MICAL3: variants seen among roughly 807,000 people sequenced by gnomAD.
MICAL3 encodes microtubule associated monooxygenase, calponin and LIM domain containing 3.
In MICAL3, 62 loss-of-function variants were observed where a neutral mutation model predicts 207.4. That is an observed-to-expected ratio of 0.30 (90% CI 0.24 to 0.37). The LOEUF (loss-of-function observed/expected upper bound fraction) is 0.37. MICAL3 is among the 10% of genes least tolerant of loss of function. MICAL3 has a pLI of 1.00. For missense variants in MICAL3, 2,368 were observed against 2,635.6 expected (o/e 0.90, Z 2.22); for synonymous variants, 1,077 against 1,069.3 (o/e 1.01, Z -0.14).
intron 1 of MICAL3, among the ~76,000 whole-genome samples, chr22:17,924,170 T>C (rs1238686129): frequency 6.6e-6 from 1 of 152,182 alleles, no homozygotes; most frequent in African/African-American, 2.4e-5. Flanking sequence ...CAATTCAGTA[T>C]GAGATTTGGG....
At chr22:17,935,482 G>A (rs1417769621) in intron 1 of MICAL3, among the ~76,000 whole-genome samples, 1 of 152,160 alleles carries the variant, frequency 6.6e-6, no homozygotes, top group Non-Finnish European at 1.5e-5. Context: ...AATCCTAGAA[G>A]AAAACCTAGG....
At chr22:17,936,424 G>A (rs748950303) in intron 1 of MICAL3, among the ~76,000 whole-genome samples, 1 of 152,080 alleles carries the variant, frequency 6.6e-6, no homozygotes, top group Non-Finnish European at 1.5e-5. Flanking sequence ...AGGGCCTGTC[G>A]TGGGGTAGGG....
chr22:18,019,751 T>C, intron 1 of MICAL3: 1 of 220,666 alleles, frequency 4.5e-6, no homozygotes, highest in Non-Finnish European at 9.5e-6. Flanking sequence ...TTTGGCAGAA[T>C]CTTGGAATGC....
intron 1 of MICAL3, among the ~76,000 whole-genome samples, chr22:17,958,298 CGTT>C (rs1046972776): frequency 3.9e-5 from 6 of 152,164 alleles, no homozygotes; most frequent in African/African-American, 1.4e-4. Context: ...CCTCAGGCCA[CGTT>C]GTTATTTGTG....
intron 1 of MICAL3, among the ~76,000 whole-genome samples, chr22:17,913,046 T>C (rs1453762164): frequency 6.6e-6 from 1 of 152,156 alleles, no homozygotes; most frequent in Non-Finnish European, 1.5e-5. Flanking sequence ...AGGTATTGAA[T>C]CCACATGTAT....
chr22:17,959,839 G>A (rs1934812462), intron 1 of MICAL3, among the ~76,000 whole-genome samples: 1 of 145,732 alleles, frequency 6.9e-6, no homozygotes, highest in African/African-American at 2.5e-5. Context: ...AACATGGAAA[G>A]GGTACAGAAA....
intron 1 of MICAL3, among the ~76,000 whole-genome samples, chr22:18,003,734 C>T (rs1217278944): frequency 2.0e-5 from 3 of 152,118 alleles, no homozygotes; most frequent in Non-Finnish European, 4.4e-5. Flanking sequence ...GCCACTCAAC[C>T]AGCTTCCAAT....
chr22:17,836,554 G>C (rs1923391646), intron 20 of MICAL3, among the ~76,000 whole-genome samples: 1 of 152,040 alleles, frequency 6.6e-6, no homozygotes, highest in Admixed American at 6.5e-5. Context: ...CTGCCTGCCT[G>C]GATGCAACCT....
intron 29 of MICAL3, among the ~76,000 whole-genome samples, chr22:17,805,289 A>G (rs2061978688): frequency 6.6e-6 from 1 of 152,278 alleles, no homozygotes; most frequent in Admixed American, 6.5e-5. Context: ...CAGGAGAGAA[A>G]GCAGCAGCAG....
At chr22:17,919,428 T>G (rs1932743533) in intron 1 of MICAL3, among the ~76,000 whole-genome samples, 1 of 152,226 alleles carries the variant, frequency 6.6e-6, no homozygotes, top group South Asian at 2.1e-4. Flanking sequence ...ATTTTTGCCA[T>G]TTTATTCACT....
chr22:17,816,822 A>G lies in MICAL3; in HGVS notation c.5351-38T>C, dbSNP rs1205672539. The G allele has an allele frequency of 3.5e-6, 5 of 1,445,924 alleles. No individual in the cohort carries two copies. The East Asian group carries it at 9.9e-5, about 29-fold the overall frequency. The allele number at this position is 1,445,924 out of a possible 1,614,324, so 89.6% of individuals were successfully genotyped here. A position where few individuals can be genotyped will look rare whatever the true frequency, so the allele number is the denominator to read the frequency against. ...GGAGGCCACGTGAGGACAGCGCCAG[A>G]CAGCAGGCGCAGCCCTCTCCTGCTC... On this transcript the variant is annotated intron_variant, in intron 26 of 31. Coordinates refer to ENST00000441493, the MANE Select transcript of MICAL3 (RefSeq NM_015241.3).
In MICAL3 at chr22:17,827,976, C is replaced by G. The variant is rs80167273; in HGVS notation, c.3056-195G>C. On this transcript the variant is annotated intron_variant, in intron 21 of 31. Transcript: ENST00000441493. ...ACAGACGCATGGACACACAGACACA[C>G]ACGCACAGTCCTTCTGCTCATTCAG... Among the ~76,000 whole-genome samples, 37 of 152,320 alleles carry G rather than the reference C, an allele frequency of 2.4e-4. No individual in the cohort carries two copies. In the East Asian group the frequency reaches 6.0e-3, roughly 25 times the overall value.
rs1379539367 is a variant in MICAL3, at chr22:17,847,839, C to T, written c.2606-5822G>A. Among the ~76,000 whole-genome samples, 8 of 152,144 alleles carry T rather than the reference C, an allele frequency of 5.3e-5. No individual in the cohort carries two copies. The South Asian group carries it at 6.2e-4, about 12-fold the overall frequency. ...TTAGCTTGGTTATTTCTCTTATTTA[C>T]GTTTTTGTAGGAATAGGGTCTCGCT... On this transcript the variant is annotated intron_variant, in intron 19 of 31. Transcript: ENST00000441493.
chr22:18,007,512 C>T lies in MICAL3; in HGVS notation c.-75+16769G>A, dbSNP rs181699174. ...GTGGCACAGTCATAGTTCACTGCAG[C>T]CTTGCACTCCTGGGCTCAAGTGATC... On this transcript the variant is annotated intron_variant, in intron 1 of 31. Coordinates refer to ENST00000441493, the MANE Select transcript of MICAL3 (RefSeq NM_015241.3). 6.0e-4 allele frequency among the ~76,000 whole-genome samples: 90 copies of T among 151,040 alleles called. 2 individuals carry two copies. Among genetic ancestry groups the T allele is most frequent in the Non-Finnish European group, 1.3e-4 (9 of 67,706 alleles).
chr22:17,856,749 G>A (rs1427184811), intron 19 of MICAL3, among the ~76,000 whole-genome samples: 1 of 151,564 alleles, frequency 6.6e-6, no homozygotes, highest in East Asian at 1.9e-4. Context: ...AGCCTCCCGA[G>A]TAGCTGGGAC....
Position 17,887,397 on chromosome 22 carries a change from T to C in MICAL3, c.1930A>G (p.Ile644Val), listed in dbSNP as rs775638151. 2 of 1,613,984 alleles carry C rather than the reference T, an allele frequency of 1.2e-6. No homozygotes were observed. The highest frequency in any genetic ancestry group is 3.3e-5 in the Admixed American group (2 of 60,030). ...GAGATAGGGGATCTGGTGCTGGCTATCAGGACTGCTTTCTCCTCGGCATTT... is the reference window on the plus strand; with the variant it reads ...GAGATAGGGGATCTGGTGCTGGCTACCAGGACTGCTTTCTCCTCGGCATTT... ...DLNAEEKAVL[I>V]ASTRSPISFL... The change falls in exon 14 of 32, where the codon ATA becomes GTA. Residue 644 changes from isoleucine to valine, a missense_variant. Physicochemically the swap from Ile to Val is conservative, Grantham distance 29. Coordinates refer to ENST00000441493, the MANE Select transcript of MICAL3 (RefSeq NM_015241.3).
chr22:17,864,940 C>G lies in MICAL3; in HGVS notation c.2564G>C (p.Gly855Ala). The G allele has an allele frequency of 1.2e-6, 2 of 1,613,664 alleles. No homozygotes were observed. Among genetic ancestry groups the G allele is most frequent in the East Asian group, 2.2e-5 (1 of 44,858 alleles). Residue 855 changes from glycine to alanine, a missense_variant, in exon 19 of 32, where the codon GGA becomes GCA. By Grantham distance (60) the Gly-to-Ala change is moderately conservative. Transcript: ENST00000441493. Reference sequence around the variant, plus strand: ...GGAGCTGGCCACGGCGTTGGCCCGTCCGTTTGCATCTGTGGTGGCGCCATC... The same window carrying G: ...GGAGCTGGCCACGGCGTTGGCCCGTGCGTTTGCATCTGTGGTGGCGCCATC... Reference protein sequence around the residue: ...LQDGATTDANGRANAVASSTE... With the variant: ...LQDGATTDANARANAVASSTE...
At chr22:18,012,450 C>T (rs5992968) in intron 1 of MICAL3, among the ~76,000 whole-genome samples, 99,103 of 151,804 alleles carry the variant, frequency 0.65, 32,613 homozygotes, top group East Asian at 0.88. Flanking sequence ...TAAGGGAGGG[C>T]CAGACAGTGC....
chr22:18,022,427 C>A (rs1011497122), intron 1 of MICAL3, among the ~76,000 whole-genome samples: 1 of 151,800 alleles, frequency 6.6e-6, no homozygotes, highest in East Asian at 1.9e-4. Context: ...CCTGCACCCC[C>A]ACCCTTTTTT....
Sources: allele counts gnomAD v4.1 joint callset (sites outside exome capture counted in the v4.1 genomes callset), GRCh38; gene constraint gnomAD v4.1.1; transcripts MANE v1.5; gene names NCBI Gene and HGNC (gene_info 2026-07-23, HGNC 2026-07-21).